Variants in PPFIBP2 observed in about 807,000 individuals in gnomAD.
The protein encoded by PPFIBP2 is PPFIB scaffold protein 2.
In PPFIBP2, 118 loss-of-function variants were observed where a neutral mutation model predicts 118.3. That is an observed-to-expected ratio of 1.00 (90% CI 0.86 to 1.16). The LOEUF is 1.16. PPFIBP2 is among the 50% of genes most tolerant of loss of function. The pLI is 0.00. For synonymous variants in PPFIBP2, 414 were observed against 397.4 expected, an observed-to-expected ratio of 1.04 and a Z score of -0.50; for missense variants, 1,195 against 1,073.1, an observed-to-expected ratio of 1.11 and a Z score of -1.59.
chr11:7,581,621 G>A (rs994582103), intron 3 of PPFIBP2, among the ~76,000 whole-genome samples: 4 of 152,136 alleles, frequency 2.6e-5, no homozygotes, highest in East Asian at 1.9e-4. Flanking sequence ...ACACTGACTT[G>A]CCTTGCATTC....
intron 15 of PPFIBP2, 108 bp downstream of exon 15, chr11:7,639,978 G>T (rs1408630548): frequency 4.6e-5 from 67 of 1,445,946 alleles, no homozygotes; most frequent in Non-Finnish European, 6.0e-5. Context: ...TTGGAGAATG[G>T]TGGGGTGGGT....
At chr11:7,548,364 C>T (rs1005216061) in intron 1 of PPFIBP2, 3 of 152,274 alleles carry the variant, frequency 2.0e-5, no homozygotes, top group Non-Finnish European at 2.9e-5. Context: ...CGGAGAGCCT[C>T]AGAACCACCT....
chr11:7,607,118 G>A (rs1847467760), intron 5 of PPFIBP2, among the ~76,000 whole-genome samples: 1 of 150,244 alleles, frequency 6.7e-6, no homozygotes, highest in Non-Finnish European at 1.5e-5. Context: ...CACCATGTTC[G>A]TCAGGATGGT....
At chr11:7,664,739 C>T in the PPFIBP2 span, among the ~76,000 whole-genome samples, 4 of 151,936 alleles carry the variant, frequency 2.6e-5, no homozygotes, top group South Asian at 8.3e-4. Flanking sequence ...AGTGGGGTCT[C>T]CCTTGAAAGC....
intron 5 of PPFIBP2, chr11:7,605,951 G>GA: frequency 6.5e-7 from 1 of 1,533,582 alleles, no homozygotes; most frequent in Admixed American, 2.0e-5. Context: ...AGCCAGAGTG[G>GA]ATACTGAATG....
downstream of PPFIBP2, chr11:7,656,656 C>T (rs1439054699): frequency 2.2e-5 from 26 of 1,160,650 alleles, no homozygotes; most frequent in East Asian, 1.2e-4. Context: ...CCTCTAGTTC[C>T]GGTGCAGCTG....
At chr11:7,565,503 C>T (rs1260956752) in intron 2 of PPFIBP2, 50 bp from the exon 3 acceptor site, 21 of 1,587,316 alleles carry the variant, frequency 1.3e-5, no homozygotes, top group Middle Eastern at 3.4e-4. Context: ...TAGTACCTTG[C>T]TCAGGGTGTC....
At chr11:7,664,099 A>AC in the PPFIBP2 span, among the ~76,000 whole-genome samples, 14 of 152,094 alleles carry the variant, frequency 9.2e-5, no homozygotes, top group South Asian at 1.5e-3. Flanking sequence ...TGCAGAAATC[A>AC]CCGTCTTCTG....
intron 2 of PPFIBP2, among the ~76,000 whole-genome samples, chr11:7,551,496 CTG>C (rs1350688263): frequency 6.6e-6 from 1 of 152,194 alleles, no homozygotes; most frequent in Non-Finnish European, 1.5e-5. Flanking sequence ...CAATACCACA[CTG>C]TGTTGATTAC....
chr11:7,614,941 A>G (rs7102879), intron 6 of PPFIBP2, among the ~76,000 whole-genome samples: 18,996 of 152,198 alleles, frequency 0.12, 1,461 homozygotes, highest in African/African-American at 0.21. Context: ...CCACCTAGAC[A>G]TCATGATGTG....
chr11:7,548,017 TA>T (rs201279463), intron 1 of PPFIBP2, among the ~76,000 whole-genome samples: 8 of 151,324 alleles, frequency 5.3e-5, no homozygotes, highest in South Asian at 4.2e-4. Context: ...TATCCTCACT[TA>T]AAAAAAAAGC....
At chr11:7,553,862 G>A (rs971881713) in intron 2 of PPFIBP2, among the ~76,000 whole-genome samples, 6 of 152,154 alleles carry the variant, frequency 3.9e-5, no homozygotes, top group African/African-American at 1.4e-4. Flanking sequence ...TGGTTTTTAT[G>A]TTGATGCATG....
At chr11:7,553,412 C>G (rs1382891242) in intron 2 of PPFIBP2, among the ~76,000 whole-genome samples, 1 of 152,096 alleles carries the variant, frequency 6.6e-6, no homozygotes, top group Non-Finnish European at 1.5e-5. Flanking sequence ...CTTTTGAATG[C>G]CTTGTTCAGG....
chr11:7,660,755 C>T (rs561606181), downstream of PPFIBP2, among the ~76,000 whole-genome samples: 43 of 150,928 alleles, frequency 2.8e-4, no homozygotes, highest in East Asian at 3.5e-3. Context: ...TGGTAGAATT[C>T]GGCTGTGAAT....
intron 1 of PPFIBP2, among the ~76,000 whole-genome samples, chr11:7,526,969 C>T (rs940178011): frequency 9.2e-5 from 14 of 151,982 alleles, no homozygotes; most frequent in Admixed American, 5.9e-4. Flanking sequence ...ACACACCATC[C>T]TGAGACCTGG....
chr11:7,666,083 G>A, the PPFIBP2 span: 6 of 651,816 alleles, frequency 9.2e-6, no homozygotes, highest in Non-Finnish European at 1.4e-5. Flanking sequence ...GCGGTAAGGG[G>A]TGTGGTGGCC....
At chr11:7,555,949 T>G (rs1853567127) in intron 2 of PPFIBP2, among the ~76,000 whole-genome samples, 1 of 151,858 alleles carries the variant, frequency 6.6e-6, no homozygotes, top group Non-Finnish European at 1.5e-5. Flanking sequence ...CAGGTTTTAA[T>G]TTTTTAATTG....
At chr11:7,633,625 T>A (rs1014882962) in intron 12 of PPFIBP2, among the ~76,000 whole-genome samples, 8 of 152,178 alleles carry the variant, frequency 5.3e-5, no homozygotes, top group Admixed American at 3.9e-4. Context: ...AGAATGGTGC[T>A]GAGTCTCCAG....
chr11:7,621,131 A>G, intron 7 of PPFIBP2, 104 bp downstream of exon 7: 1 of 851,098 alleles, frequency 1.2e-6, no homozygotes, highest in Non-Finnish European at 1.9e-6. Flanking sequence ...GAAAATGCAA[A>G]TCAACCCTCC....
Sources: allele counts gnomAD v4.1 joint callset (sites outside exome capture counted in the v4.1 genomes callset), GRCh38; gene constraint gnomAD v4.1.1; transcripts MANE v1.5; gene names NCBI Gene and HGNC (gene_info 2026-07-23, HGNC 2026-07-21).